Variants in PSTPIP2 observed in about 807,000 individuals in gnomAD.
PSTPIP2 encodes proline-serine-threonine phosphatase-interacting protein 2.
A neutral mutation model predicts 63.3 loss-of-function variants in PSTPIP2; 33 were observed. The observed-to-expected ratio is 0.52, with a 90% CI of 0.40 to 0.70. The LOEUF (loss-of-function observed/expected upper bound fraction) is 0.70. Ranked by LOEUF, PSTPIP2 falls within the 30% of genes least tolerant of loss-of-function variation. PSTPIP2 has a pLI of 0.00. For missense variants in PSTPIP2, 312 were observed against 400.7 expected, an observed-to-expected ratio of 0.78 and a Z score of 1.89; for synonymous variants, 125 against 132.7, an observed-to-expected ratio of 0.94 and a Z score of 0.40.
At position 46,072,183 on chromosome 18, in the gene PSTPIP2, C is replaced by G. The variant is rs367809110; in HGVS notation, c.6G>C (p.Thr2=). 6.5e-7 allele frequency: 1 copy of G among 1,535,868 alleles called. No homozygotes were observed. The highest frequency in any genetic ancestry group is 8.8e-7 in the Non-Finnish European group (1 of 1,141,316). M[T]RSLFKGNFWS... ...AAAAGTTTCCCTTGAACAGTGAGCG[C>G]GTCATCGCAGCGCGAGTGGGGGCGC... is the stretch of plus-strand genomic sequence containing the variant. Residue 2 remains threonine (T), a synonymous_variant, in exon 1 of 15, where the codon ACG becomes ACC. Coordinates refer to ENST00000409746, the MANE Select transcript of PSTPIP2 (RefSeq NM_024430.4).
intron 5 of PSTPIP2, among the ~76,000 whole-genome samples, chr18:46,007,442 A>G (rs1296888556): frequency 1.3e-5 from 2 of 152,358 alleles, no homozygotes; most frequent in African/African-American, 4.8e-5. Context: ...CCCAGCATGG[A>G]AAGACACACG....
intron 1 of PSTPIP2, among the ~76,000 whole-genome samples, chr18:46,060,645 A>G (rs1283865681): frequency 1.3e-5 from 2 of 152,192 alleles, no homozygotes; most frequent in African/African-American, 4.8e-5. Context: ...ATCAATCACA[A>G]TTCCCTCTAA....
intron 1 of PSTPIP2, among the ~76,000 whole-genome samples, chr18:46,064,414 C>A (rs111673487): frequency 1.2e-4 from 18 of 149,274 alleles, no homozygotes; most frequent in Admixed American, 1.1e-3. Context: ...CCACAGCCTC[C>A]CGAGTAGCTG....
rs150896531 is a variant in PSTPIP2 at position 46,050,406 on chromosome 18, C to T, written c.34-10359G>A. Among the ~76,000 whole-genome samples the T allele has an allele frequency of 1.0e-3, 159 of 152,046 alleles. 1 individual carries two copies. Among genetic ancestry groups the T allele is most frequent in the African/African-American group, 3.4e-3 (139 of 41,462 alleles). On this transcript the variant is annotated intron_variant, in intron 1 of 14. Transcript: ENST00000409746. ...GAAACATGGCAAAACCCCATCTCTA[C>T]AAAAAAATTTTAAAAATTAGCCAGG...
At chr18:46,026,157 A>G (rs1907571352) in intron 2 of PSTPIP2, among the ~76,000 whole-genome samples, 1 of 152,208 alleles carries the variant, frequency 6.6e-6, no homozygotes, top group African/African-American at 2.4e-5. Context: ...TCCTCCAAAA[A>G]AGTCTTCTCA....
At chr18:46,048,114 A>T (rs1261715683) in intron 1 of PSTPIP2, among the ~76,000 whole-genome samples, 2 of 152,204 alleles carry the variant, frequency 1.3e-5, no homozygotes, top group Non-Finnish European at 2.9e-5. Context: ...AGTGGATCCA[A>T]CCTATTTACA....
intron 3 of PSTPIP2, among the ~76,000 whole-genome samples, chr18:46,017,038 T>C (rs2051859617): frequency 1.3e-5 from 2 of 152,240 alleles, no homozygotes; most frequent in African/African-American, 4.8e-5. Flanking sequence ...TTGTCCTGGA[T>C]TATTTTCCTT....
At chr18:46,044,489 C>T (rs1466165873) in intron 1 of PSTPIP2, among the ~76,000 whole-genome samples, 2 of 152,146 alleles carry the variant, frequency 1.3e-5, no homozygotes, top group Non-Finnish European at 2.9e-5. Context: ...CTTCCTTACA[C>T]CTTATACAAA....
intron 1 of PSTPIP2, among the ~76,000 whole-genome samples, chr18:46,063,583 A>G (rs1599751667): frequency 6.6e-6 from 1 of 151,878 alleles, no homozygotes; most frequent in Middle Eastern, 3.4e-3. Context: ...TCACTGTGTC[A>G]TGCCTATACT....
chr18:46,027,101 G>A (rs1053433130), intron 2 of PSTPIP2, among the ~76,000 whole-genome samples: 8 of 151,758 alleles, frequency 5.3e-5, no homozygotes, highest in African/African-American at 1.7e-4. Context: ...CGAGACCAGC[G>A]TGGCCAACAT....
intron 4 of PSTPIP2, among the ~76,000 whole-genome samples, chr18:46,012,276 A>G (rs950597829): frequency 6.6e-6 from 1 of 152,200 alleles, no homozygotes; most frequent in Non-Finnish European, 1.5e-5. Flanking sequence ...TGGGGAAAAA[A>G]AAAACAGCAC....
Position 45,997,841 on chromosome 18 carries a change from G to A in PSTPIP2, c.563-13C>T, listed in dbSNP as rs1014911448. The A allele has an allele frequency of 6.2e-7, 1 of 1,609,014 alleles. No homozygotes were observed. The highest frequency in any genetic ancestry group is 8.5e-7 in the Non-Finnish European group (1 of 1,178,668). On this transcript the variant is annotated splice_polypyrimidine_tract_variant and intron_variant, in intron 8 of 14. Coordinates refer to ENST00000409746, the MANE Select transcript of PSTPIP2 (RefSeq NM_024430.4). ...ATGTATGCTTTGTCTGCAACAGAAG[G>A]GAGAGACCTGGGTCAGAAACTAGAC...
chr18:45,997,932 G>T, intron 8 of PSTPIP2, 104 bp from the exon 9 acceptor site: 4 of 964,188 alleles, frequency 4.1e-6, no homozygotes, highest in Non-Finnish European at 4.9e-6. Context: ...CATCCGAGTT[G>T]TGCTGAGCTT....
At chr18:46,042,922 G>C (rs1568227044) in intron 1 of PSTPIP2, among the ~76,000 whole-genome samples, 2 of 152,008 alleles carry the variant, frequency 1.3e-5, no homozygotes, top group Non-Finnish European at 1.5e-5. Context: ...TTTCTCCTGG[G>C]TATTTCCTTT....
At chr18:46,037,242 T>A (rs528146030) in intron 2 of PSTPIP2, among the ~76,000 whole-genome samples, 25 of 152,230 alleles carry the variant, frequency 1.6e-4, no homozygotes, top group African/African-American at 6.0e-4. Context: ...AACATCCGCC[T>A]CCCGGGTTCA....
chr18:46,017,861 A>T (rs953611370), intron 3 of PSTPIP2, among the ~76,000 whole-genome samples: 4 of 152,082 alleles, frequency 2.6e-5, no homozygotes, highest in African/African-American at 9.7e-5. Flanking sequence ...TCCTGAACTT[A>T]TTCCTCCTAA....
chr18:45,987,136 G>C (rs2051476245), intron 14 of PSTPIP2, among the ~76,000 whole-genome samples: 1 of 152,202 alleles, frequency 6.6e-6, no homozygotes, highest in African/African-American at 2.4e-5. Flanking sequence ...ACTGTGCCCA[G>C]TCATTAGCTG....
chr18:46,017,580 A>AT (rs376219855), intron 3 of PSTPIP2, among the ~76,000 whole-genome samples: 6 of 150,152 alleles, frequency 4.0e-5, no homozygotes, highest in South Asian at 2.1e-4. Flanking sequence ...TTAACCTCTG[A>AT]TTTTTTTTTC....
rs1409715999 is a variant in PSTPIP2 at position 46,002,196 on chromosome 18, A to ATTTC, written c.418-2666_418-2663dup. Among the ~76,000 whole-genome samples, 12 of 151,954 alleles carry ATTTC rather than the reference A, an allele frequency of 7.9e-5. No homozygotes were observed. The East Asian group carries it at 2.1e-3, about 27-fold the overall frequency. On this transcript the variant is annotated intron_variant, in intron 6 of 14. Coordinates refer to ENST00000409746, the MANE Select transcript of PSTPIP2 (RefSeq NM_024430.4). Reference sequence around the variant, plus strand: ...AGTTCGATTATATGTCTTGGTATGGATTTCTTTGGGTTTATCTTGGTTACA... The same window carrying ATTTC: ...AGTTCGATTATATGTCTTGGTATGGATTTCTTTCTTTGGGTTTATCTTGGTTACA...
Sources: allele counts gnomAD v4.1 joint callset (sites outside exome capture counted in the v4.1 genomes callset), GRCh38; gene constraint gnomAD v4.1.1; transcripts MANE v1.5; gene names NCBI Gene and HGNC (gene_info 2026-07-23, HGNC 2026-07-21).